The following HDGFL3 variants were observed in gnomAD, a reference collection of about 807,000 sequenced individuals.
The protein encoded by HDGFL3 is hepatoma-derived growth factor-related protein 3.
HDGFL3 carries 6 observed loss-of-function variants against 27.6 expected under a neutral mutation model. The ratio of observed to expected loss-of-function variants is 0.22; its 90% confidence interval spans 0.12 to 0.43. The LOEUF is 0.43. Among genes scored for constraint, HDGFL3 ranks in the 20% least tolerant of loss-of-function variants. HDGFL3 has a pLI of 1.00. For synonymous variants in HDGFL3, 88 were observed against 88.9 expected, an observed-to-expected ratio of 0.99 and a Z score of 0.05; for missense variants, 207 against 250.1, an observed-to-expected ratio of 0.83 and a Z score of 1.16.
chr15:83,205,350 T>C (rs984371865), intron 1 of HDGFL3, among the ~76,000 whole-genome samples: 1 of 152,250 alleles, frequency 6.6e-6, no homozygotes, highest in South Asian at 2.1e-4. Flanking sequence ...GGTTGTTTCT[T>C]GAGGAGCTCG....
chr15:83,205,555 C>T (rs1419635769), intron 1 of HDGFL3, among the ~76,000 whole-genome samples: 1 of 152,188 alleles, frequency 6.6e-6, no homozygotes, highest in African/African-American at 2.4e-5. Context: ...AGGTGGCCAA[C>T]CTGTACAGGC....
intron 5 of HDGFL3, among the ~76,000 whole-genome samples, chr15:83,149,264 G>A (rs1987753583): frequency 6.6e-6 from 1 of 152,216 alleles, no homozygotes; most frequent in South Asian, 2.1e-4. Flanking sequence ...CAGGATACTA[G>A]TGCTAGCTGT....
rs568444570 is a variant in HDGFL3 at position 83,166,034 on chromosome 15, G to T, written c.85-1959C>A. Among the ~76,000 whole-genome samples, 10 of 152,104 alleles carry T rather than the reference G, an allele frequency of 6.6e-5. No individual in the cohort carries two copies. The South Asian group carries it at 2.1e-3, about 32-fold the overall frequency. On this transcript the variant is annotated intron_variant, in intron 1 of 5. Transcript: ENST00000299633. ...AAACAACCAGGAAAATATATTTGAG[G>T]AAATAATTCAAGAAAATTTCCCAAA... is the stretch of plus-strand genomic sequence containing the variant.
intron 3 of HDGFL3, among the ~76,000 whole-genome samples, chr15:83,121,029 C>A (rs1005128042): frequency 1.1e-4 from 16 of 151,976 alleles, no homozygotes; most frequent in African/African-American, 3.1e-4. Flanking sequence ...TAGCCTGTTA[C>A]ATAGTGTGGA....
In HDGFL3 at chr15:83,172,120, G is replaced by A. The variant is rs145788656; in HGVS notation, c.85-8045C>T. Among the ~76,000 whole-genome samples the A allele has an allele frequency of 2.9e-3, 435 of 152,284 alleles. 4 individuals are homozygous for A. The highest frequency in any genetic ancestry group is 9.9e-3 in the African/African-American group (413 of 41,548). ...AAATTCAGGTGCTGTTAATGTAATAGTATTAAGAGGTGGGACTTTTCAGAG... is the reference window on the plus strand; with the variant it reads ...AAATTCAGGTGCTGTTAATGTAATAATATTAAGAGGTGGGACTTTTCAGAG... On this transcript the variant is annotated intron_variant, in intron 1 of 5. Coordinates refer to ENST00000299633, the MANE Select transcript of HDGFL3 (RefSeq NM_016073.4).
exon 4 of HDGFL3, chr15:83,114,256 C>T (rs1328723995): frequency 6.6e-6 from 1 of 152,580 alleles, no homozygotes; most frequent in Non-Finnish European, 1.5e-5. Flanking sequence ...GTACCCTCAG[C>T]CCTCTGTCCT....
chr15:83,188,358 C>A (rs2037471249), intron 1 of HDGFL3, among the ~76,000 whole-genome samples: 1 of 152,198 alleles, frequency 6.6e-6, no homozygotes, highest in Non-Finnish European at 1.5e-5. Context: ...TCAAGCAATT[C>A]TCGCGCCTCA....
rs2037054318 is a variant in HDGFL3 at position 83,157,951 on chromosome 15, T to C, written c.252A>G (p.Gly84=). 1.2e-6 allele frequency: 2 copies of C among 1,612,810 alleles called. No homozygotes were observed. The change falls in exon 3 of 6, where the codon GGA becomes GGG. Residue 84 remains glycine (G), a synonymous_variant. Transcript: ENST00000299633. ...CTGGGTTATTTTCTATTTCCCACAATCCTTCGTTAAATCCTTTCCGTTTGT... is the reference window on the plus strand; with the variant it reads ...CTGGGTTATTTTCTATTTCCCACAACCCTTCGTTAAATCCTTTCCGTTTGT... The part of the protein sequence containing the change: ...KSNKRKGFNE[G]LWEIENNPGV...
chr15:83,181,773 G>A (rs2037384383), intron 1 of HDGFL3, among the ~76,000 whole-genome samples: 1 of 152,160 alleles, frequency 6.6e-6, no homozygotes, highest in African/African-American at 2.4e-5. Flanking sequence ...ACCATGCCTG[G>A]CCCTTATAGT....
intron 1 of HDGFL3, among the ~76,000 whole-genome samples, chr15:83,186,788 A>G (rs1359932939): frequency 6.6e-6 from 1 of 152,148 alleles, no homozygotes; most frequent in African/African-American, 2.4e-5. Context: ...TACAATGCAT[A>G]CTCAGGTGAT....
At chr15:83,153,222 G>A (rs566706501) in intron 4 of HDGFL3, among the ~76,000 whole-genome samples, 7 of 151,854 alleles carry the variant, frequency 4.6e-5, no homozygotes, top group Admixed American at 1.3e-4. Context: ...GGATGGTCTC[G>A]TTAGCCAGGA....
At chr15:83,125,710 G>A (rs761710375), downstream of HDGFL3, among the ~76,000 whole-genome samples, 6 of 152,172 alleles carry the variant, frequency 3.9e-5, no homozygotes, top group Non-Finnish European at 8.8e-5. Flanking sequence ...GCCTGTTGGC[G>A]CGCGTAACAG....
chr15:83,139,261 T>A lies in HDGFL3; in HGVS notation c.*9A>T. The A allele has an allele frequency of 6.9e-7, 1 of 1,450,536 alleles. No individual in the cohort carries two copies. Among genetic ancestry groups the A allele is most frequent in the African/African-American group, 1.5e-5 (1 of 68,370 alleles). 89.9% of individuals were successfully genotyped at this position (1,450,536 alleles called of 1,614,324 possible). On this transcript the variant is annotated 3_prime_UTR_variant, in exon 6 of 6. Transcript: ENST00000299633. Reference sequence around the variant, plus strand: ...GGTTTCTCTTAATATGCAGCATTCATTATGGTAGTTAGGTCTGTAAAAAAA... The same window carrying A: ...GGTTTCTCTTAATATGCAGCATTCAATATGGTAGTTAGGTCTGTAAAAAAA...
intron 2 of HDGFL3, among the ~76,000 whole-genome samples, chr15:83,159,551 G>A (rs1462771006): frequency 6.6e-6 from 1 of 152,130 alleles, no homozygotes; most frequent in Non-Finnish European, 1.5e-5. Flanking sequence ...TATATAGTAT[G>A]TGTGCTAAAA....
Position 83,151,253 on chromosome 15 carries a change from T to C in HDGFL3, c.568A>G (p.Arg190Gly). The C allele has an allele frequency of 1.2e-6, 2 of 1,613,226 alleles. No homozygotes were observed. Among genetic ancestry groups the C allele is most frequent in the Non-Finnish European group, 1.7e-6 (2 of 1,179,804 alleles). Reference sequence around the variant, plus strand: ...TTCTGCAAGTCTGAAGTTGTGTTTCTTGTGTCGTTGCCCGCATCTCCACCC... The same window carrying C: ...TTCTGCAAGTCTGAAGTTGTGTTTCCTGTGTCGTTGCCCGCATCTCCACCC... ...SEGGDAGNDT[R>G]NTTSDLQKTS... Residue 190 changes from arginine to glycine, a missense_variant, in exon 5 of 6, where the codon AGA becomes GGA. Coordinates refer to ENST00000299633, the MANE Select transcript of HDGFL3 (RefSeq NM_016073.4).
At chr15:83,172,225 G>C (rs995271233) in intron 1 of HDGFL3, among the ~76,000 whole-genome samples, 2 of 152,206 alleles carry the variant, frequency 1.3e-5, no homozygotes, top group African/African-American at 4.8e-5. Flanking sequence ...GAGACAGAAA[G>C]AAGTTGGTTC....
rs1402846931 is a variant in HDGFL3 at position 83,130,037 on chromosome 15, G to A, written c.*9233C>T. The A allele has an allele frequency of 2.0e-5, 3 of 152,276 alleles. No homozygotes were observed. Among genetic ancestry groups the A allele is most frequent in the African/African-American group, 2.4e-5 (1 of 41,440 alleles). 9.4% of individuals were successfully genotyped at this position (152,276 alleles called of 1,614,324 possible). Reference sequence around the variant, plus strand: ...CAATTGTGCTTTGCCTGCACAATCAGGCCTCCTCTGCCTGCCATGTGCCTG... The same window carrying A: ...CAATTGTGCTTTGCCTGCACAATCAAGCCTCCTCTGCCTGCCATGTGCCTG... On this transcript the variant is annotated 3_prime_UTR_variant, in exon 6 of 6. Coordinates refer to ENST00000299633, the MANE Select transcript of HDGFL3 (RefSeq NM_016073.4).
rs1392337690 is a variant in HDGFL3 at position 83,122,151 on chromosome 15, T to C, written c.394-6410A>G. The C allele has an allele frequency of 6.9e-6, 5 of 720,582 alleles. No individual in the cohort carries two copies. The East Asian group carries it at 1.1e-4, about 16-fold the overall frequency. 44.6% of individuals were successfully genotyped at this position (720,582 alleles called of 1,614,324 possible). On this transcript the variant is annotated intron_variant, in intron 3 of 3. Coordinates refer to the HDGFL3 transcript ENST00000568294. ...TGCAGAATAATTCCTTTTTCTCACC[T>C]TTAAAAAAAGTACTTTTTAAGAAGT... is the stretch of plus-strand genomic sequence containing the variant.
intron 1 of HDGFL3, among the ~76,000 whole-genome samples, chr15:83,170,947 A>G (rs1262562732): frequency 6.6e-6 from 1 of 152,202 alleles, no homozygotes; most frequent in Non-Finnish European, 1.5e-5. Flanking sequence ...TCTCAAAAGA[A>G]GACATACAAG....
Sources: gnomAD v4.1 joint callset for allele counts (sites outside exome capture counted in the v4.1 genomes callset) on GRCh38, gnomAD v4.1.1 for gene constraint, MANE v1.5 for transcripts, NCBI Gene and HGNC (gene_info 2026-07-23, HGNC 2026-07-21) for gene names.